TOGARAM1: variants seen among roughly 807,000 people sequenced by gnomAD.
The protein encoded by TOGARAM1 is TOG array regulator of axonemal microtubules 1.
In TOGARAM1, 100 loss-of-function variants were observed where a neutral mutation model predicts 166.6. The ratio of observed to expected loss-of-function variants is 0.60; its 90% confidence interval spans 0.51 to 0.71. TOGARAM1 has a LOEUF of 0.71. Ranked by LOEUF, TOGARAM1 falls within the 30% of genes least tolerant of loss-of-function variation. The pLI is 0.00. For synonymous variants in TOGARAM1, 758 were observed against 763.8 expected (o/e 0.99, Z 0.13); for missense variants, 2,029 against 2,102.7 (o/e 0.96, Z 0.69).
Position 45,036,464 on chromosome 14 carries a change from C to G in TOGARAM1, c.3812+4088C>G, listed in dbSNP as rs542357144. Among the ~76,000 whole-genome samples the G allele has an allele frequency of 6.8e-4, 104 of 152,162 alleles. 1 individual carries two copies. Among genetic ancestry groups the G allele is most frequent in the African/African-American group, 2.4e-3 (98 of 41,530 alleles). On this transcript the variant is annotated intron_variant, in intron 11 of 19. Transcript: ENST00000361462. The stretch of plus-strand genomic sequence containing the variant: ...TACAAATAAGTTAAAAGTAGAGATT[C>G]AAAAAGATGTATACCATGCTAACAC...
intron 10 of TOGARAM1, among the ~76,000 whole-genome samples, chr14:45,030,787 A>G (rs905146234): frequency 6.6e-6 from 1 of 152,164 alleles, no homozygotes; most frequent in Non-Finnish European, 1.5e-5. Context: ...ATACCTCTTT[A>G]TATAAGATCA....
intron 11 of TOGARAM1, among the ~76,000 whole-genome samples, chr14:45,041,725 A>G (rs957323712): frequency 6.6e-6 from 1 of 152,158 alleles, no homozygotes; most frequent in African/African-American, 2.4e-5. Context: ...CCTGCCTTAC[A>G]CATTTGGTTG....
At chr14:45,022,593 G>T (rs1880584963) in intron 7 of TOGARAM1, among the ~76,000 whole-genome samples, 1 of 151,862 alleles carries the variant, frequency 6.6e-6, no homozygotes, top group Non-Finnish European at 1.5e-5. Context: ...GCAGGCAAAA[G>T]TATTTTTCCT....
chr14:45,044,712 C>T lies in TOGARAM1; in HGVS notation c.3996C>T (p.Ser1332=), dbSNP rs1594686081. Reference sequence around the variant, plus strand: ...ATCTTTTCACTTATTTGAAAAAGAGCATGGATCAAGAGCTAGATACCACAG... The same window carrying T: ...ATCTTTTCACTTATTTGAAAAAGAGTATGGATCAAGAGCTAGATACCACAG... ...LSDLFTYLKK[S]MDQELDTTVK... Residue 1332 remains serine, a synonymous_variant, in exon 13 of 20, where the codon AGC becomes AGT. Coordinates refer to ENST00000361462, the MANE Select transcript of TOGARAM1 (RefSeq NM_001308120.2). The T allele has an allele frequency of 6.2e-7, 1 of 1,613,888 alleles. No individual in the cohort carries two copies. The highest frequency in any genetic ancestry group is 8.5e-7 in the Non-Finnish European group (1 of 1,179,960).
chr14:45,045,754 T>C (rs1054999412), intron 13 of TOGARAM1, among the ~76,000 whole-genome samples: 4 of 143,738 alleles, frequency 2.8e-5, no homozygotes, highest in African/African-American at 1.0e-4. Flanking sequence ...TGTATATATA[T>C]ACACATATAT....
rs1883153358 is a variant in TOGARAM1, at chr14:45,066,704, G to T, written c.4686G>T (p.Gly1562=). 1 of 1,613,824 alleles carries T rather than the reference G, an allele frequency of 6.2e-7. No homozygotes were observed. ...NAKDFRDRIN[G]IKQLLSDTEN... is the part of the protein sequence containing the mutation. ...AAGACTTTCGTGATCGTATTAATGG[G>T]ATTAAGCAGCTTTTATCAGATACAG... The change falls in exon 17 of 20, where the codon GGG becomes GGT. Residue 1562 remains glycine (G), a synonymous_variant. Coordinates refer to ENST00000361462, the MANE Select transcript of TOGARAM1 (RefSeq NM_001308120.2).
chr14:45,058,911 T>G lies in TOGARAM1; in HGVS notation c.4559+4362T>G, dbSNP rs186929872. Among the ~76,000 whole-genome samples, 11 of 152,250 alleles carry G rather than the reference T, an allele frequency of 7.2e-5. No individual in the cohort carries two copies. The East Asian group carries it at 1.9e-3, about 27-fold the overall frequency. ...CTTTTTATGATTGCTTTATATGACC[T>G]ATGAGTTTTATACTTTCTTATGTTC... On this transcript the variant is annotated intron_variant, in intron 16 of 19. Transcript: ENST00000361462.
At chr14:44,988,263 G>A (rs191137622) in intron 1 of TOGARAM1, among the ~76,000 whole-genome samples, 4 of 152,014 alleles carry the variant, frequency 2.6e-5, no homozygotes, top group African/African-American at 7.2e-5. Context: ...AAAAAAAATC[G>A]TAAAAGCTTT....
intron 11 of TOGARAM1, 119 bp downstream of exon 11, chr14:45,032,495 T>C: frequency 1.9e-6 from 2 of 1,048,092 alleles, no homozygotes; most frequent in Non-Finnish European, 2.7e-6. Context: ...ATTATTTAGT[T>C]CTTAGGCATC....
At chr14:45,006,903 T>C (rs1566628466) in intron 5 of TOGARAM1, 1 of 152,134 alleles carries the variant, frequency 6.6e-6, no homozygotes, top group Non-Finnish European at 1.5e-5. Context: ...TGTACACTCA[T>C]CTTTGAATCC....
intron 11 of TOGARAM1, among the ~76,000 whole-genome samples, chr14:45,037,544 T>G (rs2138933231): frequency 6.6e-6 from 1 of 152,224 alleles, no homozygotes; most frequent in South Asian, 2.1e-4. Flanking sequence ...ATAAAGAGGG[T>G]CATTTTATAG....
Position 45,054,302 on chromosome 14 carries a change from C to T in TOGARAM1, c.4441-129C>T. ...TTTATGTATCTCATACTCTTTAAAGCATATCAGATTATTAAAATACTTTCC... is the reference window on the plus strand; with the variant it reads ...TTTATGTATCTCATACTCTTTAAAGTATATCAGATTATTAAAATACTTTCC... On this transcript the variant is annotated intron_variant, in intron 15 of 19. Coordinates refer to ENST00000361462, the MANE Select transcript of TOGARAM1 (RefSeq NM_001308120.2). The T allele has an allele frequency of 6.7e-6, 4 of 597,004 alleles. No individual in the cohort carries two copies. The South Asian group carries it at 1.0e-4, about 15-fold the overall frequency. The allele number at this position is 597,004 out of a possible 1,614,324, so 37.0% of individuals were successfully genotyped here.
intron 14 of TOGARAM1, among the ~76,000 whole-genome samples, chr14:45,048,042 C>A (rs552770418): frequency 7.6e-5 from 10 of 130,954 alleles, no homozygotes; most frequent in Non-Finnish European, 1.4e-4. Context: ...AGAAACAGAG[C>A]GAGACTCCAT....
At chr14:45,063,479 G>GTTTTTTTTTTTTT (rs373702236) in intron 16 of TOGARAM1, among the ~76,000 whole-genome samples, 1 of 118,690 alleles carries the variant, frequency 8.4e-6, no homozygotes, top group Non-Finnish European at 1.7e-5. Flanking sequence ...ATTTGACAAA[G>GTTTTTTTTTTTTT]TTTTTTTTTT....
At chr14:44,991,792 G>T (rs868410028) in intron 1 of TOGARAM1, among the ~76,000 whole-genome samples, 6 of 151,514 alleles carry the variant, frequency 4.0e-5, no homozygotes, top group Admixed American at 3.9e-4. Context: ...CTGTTAACAG[G>T]ATTTATCAGT....
chr14:45,025,827 A>C lies in TOGARAM1; in HGVS notation c.3283A>C (p.Thr1095Pro), dbSNP rs1185686133. The change falls in exon 8 of 20, where the codon ACC becomes CCC. Residue 1095 changes from threonine (T) to proline (P), a missense_variant. By Grantham distance (38) the Thr-to-Pro change is conservative. Around this residue, in one of 2 missense-constraint regions of TOGARAM1, gnomAD observed 1,453 missense variants for 1,432.2 expected, o/e 1.01. Coordinates refer to ENST00000361462, the MANE Select transcript of TOGARAM1 (RefSeq NM_001308120.2). The part of the protein sequence containing the change: ...PQQISSFDFT[T>P]TKALSEDSVV... ...GCAAATTTCCAGTTTTGACTTCACA[A>C]CCACAAAGGCTTTATCAGAAGACTC... The C allele has an allele frequency of 3.7e-6, 6 of 1,610,730 alleles. No individual in the cohort carries two copies. Among genetic ancestry groups the C allele is most frequent in the Admixed American group, 3.3e-5 (2 of 59,792 alleles).
At chr14:45,049,483 T>C (rs1369827128) in intron 14 of TOGARAM1, among the ~76,000 whole-genome samples, 2 of 152,090 alleles carry the variant, frequency 1.3e-5, no homozygotes, top group Admixed American at 6.6e-5. Flanking sequence ...ATCACCTCGA[T>C]CTCCTGACCT....
At chr14:45,063,868 T>C (rs1403045075) in intron 16 of TOGARAM1, among the ~76,000 whole-genome samples, 2 of 152,170 alleles carry the variant, frequency 1.3e-5, no homozygotes, top group African/African-American at 4.8e-5. Context: ...GTCCTTGACC[T>C]GCCTAACCCA....
At chr14:45,011,182 C>G (rs1879768538) in intron 6 of TOGARAM1, among the ~76,000 whole-genome samples, 1 of 152,164 alleles carries the variant, frequency 6.6e-6, no homozygotes, top group Non-Finnish European at 1.5e-5. Flanking sequence ...ATAGTCTAAG[C>G]AGAAAGTGGC....
Sources: gnomAD v4.1 joint callset for allele counts (sites outside exome capture counted in the v4.1 genomes callset) on GRCh38, gnomAD v4.1.1 for gene constraint, gnomAD v4.1.1 regional missense constraint, MANE v1.5 for transcripts, NCBI Gene and HGNC (gene_info 2026-07-23, HGNC 2026-07-21) for gene names.